Variants in SIN3A observed in about 807,000 individuals in gnomAD.
The protein encoded by SIN3A is paired amphipathic helix protein Sin3a.
Under a neutral mutation model 146.1 loss-of-function variants are expected in SIN3A, and 14 were observed. The ratio of observed to expected loss-of-function variants is 0.10; its 90% confidence interval spans 0.06 to 0.15. The LOEUF is 0.15. Ranked by LOEUF, SIN3A falls within the 10% of genes least tolerant of loss-of-function variation. The probability of loss-of-function intolerance (pLI) is 1.00; values close to 1 mark genes in which losing one functional copy is unlikely to be tolerated. For missense variants in SIN3A, 1,028 were observed against 1,576.0 expected, an observed-to-expected ratio of 0.65 and a Z score of 5.89; for synonymous variants, 572 against 572.0, an observed-to-expected ratio of 1.00 and a Z score of 0.00.
At chr15:75,420,690 A>G (rs1378813586) in intron 3 of SIN3A, 1 of 152,196 alleles carries the variant, frequency 6.6e-6, no homozygotes, top group African/African-American at 2.4e-5. Flanking sequence ...CCCGGCCTAC[A>G]TTATTATAGA....
intron 2 of SIN3A, among the ~76,000 whole-genome samples, chr15:75,423,188 G>A (rs1324957959): frequency 6.6e-6 from 1 of 151,414 alleles, no homozygotes; most frequent in East Asian, 1.9e-4. Flanking sequence ...TAAAGGAGGA[G>A]GATTGCTTGA....
intron 2 of SIN3A, among the ~76,000 whole-genome samples, chr15:75,427,400 T>G (rs899893305): frequency 6.6e-6 from 1 of 151,998 alleles, no homozygotes; most frequent in African/African-American, 2.4e-5. Context: ...CCGGGTGCAG[T>G]GGCTCACGCC....
At chr15:75,449,275 A>G (rs2074359728) in intron 1 of SIN3A, among the ~76,000 whole-genome samples, 1 of 152,232 alleles carries the variant, frequency 6.6e-6, no homozygotes, top group Non-Finnish European at 1.5e-5. Flanking sequence ...CTTAGCAGAG[A>G]AGGTAGGACC....
chr15:75,438,013 C>T (rs893567906), intron 1 of SIN3A, among the ~76,000 whole-genome samples: 1 of 151,620 alleles, frequency 6.6e-6, no homozygotes, highest in Non-Finnish European at 1.5e-5. Flanking sequence ...AGGAAGATCC[C>T]AAATACACAC....
At chr15:75,417,392 TGAGATGGGAG>T (rs2073760091) in intron 3 of SIN3A, among the ~76,000 whole-genome samples, 2 of 151,978 alleles carry the variant, frequency 1.3e-5, no homozygotes, top group South Asian at 4.2e-4. Flanking sequence ...TTTTTTTTTT[TGAGATGGGAG>T]TCTCATTTTG....
At chr15:75,410,864 C>T (rs1026081506) in intron 6 of SIN3A, among the ~76,000 whole-genome samples, 5 of 147,096 alleles carry the variant, frequency 3.4e-5, no homozygotes, top group Admixed American at 1.4e-4. Flanking sequence ...GTTGAAACCC[C>T]GTCTCTACTA....
chr15:75,373,255 G>A (rs879437918), intron 20 of SIN3A, among the ~76,000 whole-genome samples: 9 of 152,146 alleles, frequency 5.9e-5, no homozygotes, highest in African/African-American at 1.7e-4. Context: ...GTGCACGCCC[G>A]TAATCCCAGC....
rs758021835 is a variant in SIN3A, at chr15:75,400,822, C to T, written c.1645G>A (p.Ala549Thr). 3.1e-6 allele frequency: 5 copies of T among 1,614,034 alleles called. No homozygotes were observed. Among genetic ancestry groups the T allele is most frequent in the Non-Finnish European group, 4.2e-6 (5 of 1,180,042 alleles). ...CTGGAGCCCAATCGTTTACAAGAAG[C>T]ATAATCTATCTCCATAGCAATGCCC... ...TEGIAMEIDYASCKRLGSSYR... is the reference protein window; with the variant it reads ...TEGIAMEIDYTSCKRLGSSYR... Residue 549 changes from alanine to threonine, a missense_variant, in exon 11 of 21, where the codon GCT becomes ACT. Ala to Thr is a moderately conservative substitution (Grantham distance 58). Around this residue, in one of 9 missense-constraint regions of SIN3A, gnomAD observed 157 missense variants for 284.8 expected, o/e 0.55. Coordinates refer to ENST00000394947, the MANE Select transcript of SIN3A (RefSeq NM_001145358.2).
In SIN3A at chr15:75,379,206, T is replaced by C. The variant is rs76744051; in HGVS notation, c.3383+1423A>G. On this transcript the variant is annotated intron_variant, in intron 19 of 20. Coordinates refer to ENST00000394947, the MANE Select transcript of SIN3A (RefSeq NM_001145358.2). Reference sequence around the variant, plus strand: ...AGCCACTGCGCCCAGCCCAATATTGTTATTTTTCAAATGAATTAAAGATTG... The same window carrying C: ...AGCCACTGCGCCCAGCCCAATATTGCTATTTTTCAAATGAATTAAAGATTG... Among the ~76,000 whole-genome samples, 1,185 of 152,304 alleles carry C rather than the reference T, an allele frequency of 7.8e-3. 20 individuals carry two copies. Among genetic ancestry groups the C allele is most frequent in the African/African-American group, 0.027 (1,122 of 41,566 alleles).
At chr15:75,418,979 G>A (rs990876036) in intron 3 of SIN3A, among the ~76,000 whole-genome samples, 12 of 150,720 alleles carry the variant, frequency 8.0e-5, no homozygotes, top group African/African-American at 2.7e-4. Flanking sequence ...GGATGGTCTC[G>A]ATCTCCTGAC....
chr15:75,407,196 A>T, intron 8 of SIN3A, 52 bp from the exon 9 acceptor site: 1 of 1,266,892 alleles, frequency 7.9e-7, no homozygotes, highest in Non-Finnish European at 1.1e-6. Context: ...TTTTCTCTGA[A>T]TTTTATTTTT....
At chr15:75,438,916 C>G (rs1028131992) in intron 1 of SIN3A, among the ~76,000 whole-genome samples, 1 of 152,158 alleles carries the variant, frequency 6.6e-6, no homozygotes, top group Admixed American at 6.5e-5. Flanking sequence ...AAAAGTCCAC[C>G]TCTGGTTTTA....
chr15:75,411,421 G>A (rs2073636497), intron 6 of SIN3A, 71 bp downstream of exon 6: 1 of 1,426,368 alleles, frequency 7.0e-7, no homozygotes, highest in Non-Finnish European at 9.6e-7. Flanking sequence ...CACAATAATG[G>A]TTACTTGTTA....
Position 75,444,663 on chromosome 15 carries a change from G to A in SIN3A, c.-34+6760C>T, listed in dbSNP as rs565693728. ...GTGGGCAGACTGCTTGAGCCCAGGAGTTTGAGACCAATCTGGGCAATACAG... is the reference window on the plus strand; with the variant it reads ...GTGGGCAGACTGCTTGAGCCCAGGAATTTGAGACCAATCTGGGCAATACAG... On this transcript the variant is annotated intron_variant, in intron 1 of 20. Transcript: ENST00000394947. Among the ~76,000 whole-genome samples the A allele has an allele frequency of 9.2e-5, 14 of 152,112 alleles. No individual in the cohort carries two copies. The South Asian group carries it at 2.9e-3, about 32-fold the overall frequency.
At chr15:75,417,893 G>C (rs2073770167) in intron 3 of SIN3A, among the ~76,000 whole-genome samples, 1 of 152,150 alleles carries the variant, frequency 6.6e-6, no homozygotes, top group South Asian at 2.1e-4. Context: ...GAGTGAACCA[G>C]TGTTAGTCCC....
At chr15:75,422,471 G>A (rs1422317626) in intron 3 of SIN3A, 176 bp downstream of exon 3, 3 of 695,880 alleles carry the variant, frequency 4.3e-6, no homozygotes, top group Non-Finnish European at 7.6e-6. Context: ...TCTGGATCAG[G>A]CACTGATGCC....
intron 4 of SIN3A, among the ~76,000 whole-genome samples, chr15:75,413,617 C>T (rs1461788809): frequency 6.6e-6 from 1 of 151,174 alleles, no homozygotes; most frequent in African/African-American, 2.4e-5. Flanking sequence ...AATCTCGGCA[C>T]ACTGCAGCCT....
chr15:75,394,493 G>A (rs943513038), intron 14 of SIN3A, among the ~76,000 whole-genome samples, 187 bp downstream of exon 14: 2 of 152,148 alleles, frequency 1.3e-5, no homozygotes, highest in African/African-American at 2.4e-5. Context: ...AACAGCTTAG[G>A]TATAAAGGTA....
In SIN3A at chr15:75,410,291, G is replaced by T; in HGVS notation, c.1009-5C>A. 6.2e-7 allele frequency: 1 copy of T among 1,609,774 alleles called. No individual in the cohort carries two copies. The highest frequency in any genetic ancestry group is 8.5e-7 in the Non-Finnish European group (1 of 1,178,868). ...CTTGGCATTTCTCTGCTCTTTCTGA[G>T]GAATTGCAAATGAAAAGAGATCATT... On this transcript the variant is annotated splice_region_variant and splice_polypyrimidine_tract_variant and intron_variant, in intron 6 of 20. Transcript: ENST00000394947.
Sources: allele counts gnomAD v4.1 joint callset (sites outside exome capture counted in the v4.1 genomes callset), GRCh38; gene constraint gnomAD v4.1.1; regional missense constraint gnomAD v4.1.1; transcripts MANE v1.5; gene names NCBI Gene and HGNC (gene_info 2026-07-23, HGNC 2026-07-21).